The following RALYL variants were observed in gnomAD, a reference collection of about 807,000 sequenced individuals.
RALYL encodes the protein RNA-binding Raly-like protein.
In RALYL, 29 loss-of-function variants were observed where a neutral mutation model predicts 35.1. That is an observed-to-expected ratio of 0.83 (90% CI 0.61 to 1.13). RALYL has a LOEUF of 1.13. Ranked by LOEUF, RALYL falls within the 50% of genes most tolerant of loss-of-function variation. The probability of loss-of-function intolerance (pLI) is 0.00; values close to 1 mark genes in which losing one functional copy is unlikely to be tolerated. For missense variants in RALYL, 359 were observed against 360.4 expected (o/e 1.00, Z 0.03); for synonymous variants, 120 against 127.6 (o/e 0.94, Z 0.40).
intron 2 of RALYL, among the ~76,000 whole-genome samples, chr8:84,723,998 A>G (rs763988488): frequency 9.9e-5 from 15 of 151,770 alleles, no homozygotes; most frequent in Non-Finnish European, 1.6e-4. Flanking sequence ...TACCTGGTTC[A>G]TAGTAGGATC....
intron 1 of RALYL, among the ~76,000 whole-genome samples, chr8:84,263,703 C>T (rs956189689): frequency 6.6e-6 from 1 of 152,058 alleles, no homozygotes; most frequent in Admixed American, 6.6e-5. Flanking sequence ...ATGAACCCAT[C>T]ACCTCAGGTA....
chr8:84,821,299 A>G (rs1414086338), intron 4 of RALYL, among the ~76,000 whole-genome samples: 3 of 152,192 alleles, frequency 2.0e-5, no homozygotes, highest in Non-Finnish European at 4.4e-5. Flanking sequence ...AATGCTGAAT[A>G]AGTGAGATAC....
chr8:84,880,472 T>C (rs867453735), intron 7 of RALYL, among the ~76,000 whole-genome samples: 1 of 151,984 alleles, frequency 6.6e-6, no homozygotes, highest in South Asian at 2.1e-4. Context: ...ATTACATAAA[T>C]CCTGTCCATC....
At chr8:84,335,174 C>G (rs1438305983) in intron 1 of RALYL, among the ~76,000 whole-genome samples, 1 of 152,144 alleles carries the variant, frequency 6.6e-6, no homozygotes, top group Non-Finnish European at 1.5e-5. Flanking sequence ...AGTGGAACAT[C>G]TCCACAGCCT....
At chr8:84,884,562 GTA>G (rs1315133003) in intron 7 of RALYL, among the ~76,000 whole-genome samples, 1 of 151,562 alleles carries the variant, frequency 6.6e-6, no homozygotes, top group Non-Finnish European at 1.5e-5. Flanking sequence ...ACACACATAT[GTA>G]TATGTTACTT....
At chr8:84,235,019 T>C (rs1826198619) in intron 1 of RALYL, among the ~76,000 whole-genome samples, 1 of 152,108 alleles carries the variant, frequency 6.6e-6, no homozygotes, top group South Asian at 2.1e-4. Context: ...CGCCTCAGCC[T>C]CCCAAAGTGC....
chr8:84,318,241 G>A (rs1208126987), intron 1 of RALYL, among the ~76,000 whole-genome samples: 1 of 152,178 alleles, frequency 6.6e-6, no homozygotes, highest in East Asian at 1.9e-4. Flanking sequence ...TGCCTGTGAG[G>A]CTGGGCCCTG....
chr8:84,773,435 C>G (rs1046185736), intron 2 of RALYL, among the ~76,000 whole-genome samples: 3 of 152,128 alleles, frequency 2.0e-5, no homozygotes, highest in Admixed American at 1.3e-4. Context: ...TTTAGATTTC[C>G]CTTTCTATCA....
Position 84,298,957 on chromosome 8 carries a change from G to T in RALYL, c.-24+114533G>T, listed in dbSNP as rs192812352. Among the ~76,000 whole-genome samples the T allele has an allele frequency of 9.9e-5, 15 of 152,106 alleles. No individual in the cohort carries two copies. In the East Asian group the frequency reaches 2.9e-3, roughly 29 times the overall value. ...TTGTGTAACAGATCTAGGAGCTTTT[G>T]CGAAGAGACTATAGAGTTTTCTAGG... is the stretch of plus-strand genomic sequence containing the variant. On this transcript the variant is annotated intron_variant, in intron 1 of 8. Transcript: ENST00000521268.
rs114470911 is a variant in RALYL at position 84,489,651 on chromosome 8, A to T, written c.-23-39648A>T. The stretch of plus-strand genomic sequence containing the variant: ...GAGAGTGCTATGGGATCACCTAGAA[A>T]GAGCAACTGAGGAAATTGTAGATAG... On this transcript the variant is annotated intron_variant, in intron 1 of 8. Transcript: ENST00000521268. Among the ~76,000 whole-genome samples, 228 of 152,170 alleles carry T rather than the reference A, an allele frequency of 1.5e-3. 2 individuals carry two copies. Among genetic ancestry groups the T allele is most frequent in the African/African-American group, 4.7e-3 (197 of 41,540 alleles).
At chr8:84,795,251 A>C (rs1306886227) in intron 3 of RALYL, among the ~76,000 whole-genome samples, 2 of 152,216 alleles carry the variant, frequency 1.3e-5, no homozygotes, top group Admixed American at 6.5e-5. Flanking sequence ...AATGATCAAC[A>C]AATAAAGTAT....
chr8:84,565,382 A>G (rs1588208656), intron 2 of RALYL, among the ~76,000 whole-genome samples: 1 of 151,572 alleles, frequency 6.6e-6, no homozygotes, highest in East Asian at 1.9e-4. Flanking sequence ...TGTAGCATCT[A>G]GCATCTCAAC....
At chr8:84,760,536 T>C (rs1199272809) in intron 2 of RALYL, among the ~76,000 whole-genome samples, 1 of 152,102 alleles carries the variant, frequency 6.6e-6, no homozygotes, top group African/African-American at 2.4e-5. Flanking sequence ...TTCCACAGAA[T>C]CTATCTCTTT....
rs140931223 is a variant in RALYL at position 84,858,643 on chromosome 8, T to A, written c.414-3653T>A. Among the ~76,000 whole-genome samples, 6 of 152,324 alleles carry A rather than the reference T, an allele frequency of 3.9e-5. No individual in the cohort carries two copies. The East Asian group carries it at 9.6e-4, about 24-fold the overall frequency. ...CCTTAGTCTCAATACTATTTGCCAA[T>A]CTAATATTTGATAAAGGTAAAATTT... is the stretch of plus-strand genomic sequence containing the variant. On this transcript the variant is annotated intron_variant, in intron 5 of 8. Coordinates refer to ENST00000521268, the MANE Select transcript of RALYL (RefSeq NM_173848.7).
At chr8:84,328,044 G>T (rs967686602) in intron 1 of RALYL, among the ~76,000 whole-genome samples, 2 of 152,160 alleles carry the variant, frequency 1.3e-5, no homozygotes, top group African/African-American at 2.4e-5. Flanking sequence ...GGCTTTGCCT[G>T]CTATTTTAAT....
intron 1 of RALYL, among the ~76,000 whole-genome samples, chr8:84,477,562 A>G (rs13273396): frequency 6.7e-6 from 1 of 150,272 alleles, no homozygotes; most frequent in Non-Finnish European, 1.5e-5. Flanking sequence ...AAATAAAAAT[A>G]CGATATATAT....
chr8:84,520,486 T>A (rs1403429798), intron 1 of RALYL, among the ~76,000 whole-genome samples: 1 of 152,170 alleles, frequency 6.6e-6, no homozygotes, highest in African/African-American at 2.4e-5. Context: ...TTGTAAAAAT[T>A]TCATCGGAAT....
chr8:84,603,933 T>TTTGC (rs1281201081), intron 2 of RALYL, among the ~76,000 whole-genome samples: 1 of 151,942 alleles, frequency 6.6e-6, no homozygotes, highest in Non-Finnish European at 1.5e-5. Flanking sequence ...GTTTTTTTTG[T>TTTGC]TTGTTTGTTT....
chr8:84,204,849 T>C (rs1817693819), intron 1 of RALYL, among the ~76,000 whole-genome samples: 1 of 152,204 alleles, frequency 6.6e-6, no homozygotes, highest in Non-Finnish European at 1.5e-5. Context: ...TAACACTTAT[T>C]TGAATTCTTA....
Sources: allele counts gnomAD v4.1 joint callset (sites outside exome capture counted in the v4.1 genomes callset), GRCh38; gene constraint gnomAD v4.1.1; transcripts MANE v1.5; gene names NCBI Gene and HGNC (gene_info 2026-07-23, HGNC 2026-07-21).